The following SH3D21 variants were observed in gnomAD, a reference collection of about 807,000 sequenced individuals.
SH3D21 encodes manchette microtubule inner protein 1, also known as SH3 domain-containing protein 21.
In SH3D21, 83 loss-of-function variants were observed where a neutral mutation model predicts 82.1. The observed-to-expected ratio is 1.01, with a 90% confidence interval of 0.85 to 1.21. The LOEUF (loss-of-function observed/expected upper bound fraction) is 1.21, where lower values mean the gene tolerates loss of function less well. Ranked by LOEUF, SH3D21 falls within the 50% of genes most tolerant of loss-of-function variation. The pLI, the probability that SH3D21 is intolerant of heterozygous loss-of-function variation, is 0.00. For synonymous variants in SH3D21, 383 were observed against 387.8 expected, an observed-to-expected ratio of 0.99 and a Z score of 0.15; for missense variants, 980 against 962.1, an observed-to-expected ratio of 1.02 and a Z score of -0.25.
At chr1:36,319,033 C>A in intron 10 of SH3D21, 38 bp from the exon 11 acceptor site, 2 of 1,264,174 alleles carry the variant, frequency 1.6e-6, no homozygotes, top group East Asian at 2.5e-5. Flanking sequence ...GGGCTAGCGA[C>A]TGTCAGATGG....
chr1:36,322,901 C>A, downstream of SH3D21: 2 of 1,574,806 alleles, frequency 1.3e-6, no homozygotes, highest in Non-Finnish European at 8.7e-7. Flanking sequence ...ACGGACAAGG[C>A]GCTGGGGAGG....
intron 10 of SH3D21, among the ~76,000 whole-genome samples, chr1:36,313,810 C>T (rs1215575215): frequency 6.6e-6 from 1 of 151,808 alleles, no homozygotes; most frequent in African/African-American, 2.4e-5. Context: ...AGTGATCCTC[C>T]TGCCTTGGCC....
Position 36,306,660 on chromosome 1 carries a change from G to T in SH3D21, c.67G>T (p.Asp23Tyr), listed in dbSNP as rs556744149. Residue 23 changes from aspartate (D) to tyrosine (Y), a missense_variant, in exon 2 of 16, where the codon GAC becomes TAC. By Grantham distance (160) the Asp-to-Tyr change is radical (BLOSUM62 -3). Coordinates refer to ENST00000453908, the MANE Select transcript of SH3D21 (RefSeq NM_001162530.2). The surrounding 1 kb of genome is among the most constrained non-coding windows in gnomAD (Gnocchi z 4.5). ...KEDELSLAPG[D>Y]VVRQVRWVPA... Reference sequence around the variant, plus strand: ...GGACGAGCTGAGTCTGGCGCCCGGGGACGTGGTCCGGCAGGTGCGCTGGGT... The same window carrying T: ...GGACGAGCTGAGTCTGGCGCCCGGGTACGTGGTCCGGCAGGTGCGCTGGGT... The T allele has an allele frequency of 4.7e-5, 61 of 1,300,230 alleles. No individual in the cohort carries two copies. The South Asian group carries it at 4.9e-4, about 11-fold the overall frequency. 80.5% of individuals were successfully genotyped at this position (1,300,230 alleles called of 1,614,324 possible).
downstream of SH3D21, chr1:36,322,653 A>T (rs1646486997): frequency 1.3e-6 from 2 of 1,545,794 alleles, no homozygotes; most frequent in Non-Finnish European, 1.7e-6. Context: ...GCTGATGACG[A>T]GCAGGCAGAG....
rs1646457605 is a variant in SH3D21, at chr1:36,321,250, T to TG, written c.*128dup. Reference sequence around the variant, plus strand: ...CACGGCGCCACGCCGGTCTGGTCGCTGGGGGCGGGGCCTGCGCGGGGGCAG... The same window carrying TG: ...CACGGCGCCACGCCGGTCTGGTCGCTGGGGGGCGGGGCCTGCGCGGGGGCAG... On this transcript the variant is annotated 3_prime_UTR_variant, in exon 16 of 16. Transcript: ENST00000453908. The surrounding 1 kb of genome is among the most constrained non-coding windows in gnomAD (Gnocchi z 6.1). The TG allele has an allele frequency of 4.1e-6, 6 of 1,475,428 alleles. No individual in the cohort carries two copies. Among genetic ancestry groups the TG allele is most frequent in the Non-Finnish European group, 4.5e-6 (5 of 1,115,044 alleles). 91.4% of individuals were successfully genotyped at this position (1,475,428 alleles called of 1,614,324 possible). A position where few individuals can be genotyped will look rare whatever the true frequency, so the allele number is the denominator to read the frequency against.
chr1:36,318,765 C>T (rs535157892), intron 10 of SH3D21, among the ~76,000 whole-genome samples: 127 of 151,910 alleles, frequency 8.4e-4, no homozygotes, highest in African/African-American at 3.0e-3. Flanking sequence ...AGAAATTAGC[C>T]GGGTGTGGTG....
Position 36,306,980 on chromosome 1 carries a change from T to G in SH3D21, c.226+75T>G. The G allele has an allele frequency of 7.3e-7, 1 of 1,367,708 alleles. No homozygotes were observed. The highest frequency in any genetic ancestry group is 9.5e-7 in the Non-Finnish European group (1 of 1,052,922). 84.7% of individuals were successfully genotyped at this position (1,367,708 alleles called of 1,614,324 possible). On this transcript the variant is annotated intron_variant, in intron 3 of 15. Transcript: ENST00000453908. This position sits in a 1 kb window ranked among gnomAD's most constrained non-coding sequence, Gnocchi z 4.5. ...GTGCGACCCCGGCGTCTCCGGCTCT[T>G]AGTGACGGGCGCGGCTCTGGGCGGG...
At chr1:36,329,141 G>A (rs180907755), downstream of SH3D21, 3 of 152,320 alleles carry the variant, frequency 2.0e-5, no homozygotes, top group Admixed American at 2.0e-4. Flanking sequence ...TGGCTAATAT[G>A]CCAGCCTTTA....
Position 36,319,180 on chromosome 1 carries a change from G to C in SH3D21, c.863+16G>C. ...GCAAAGCCAAGTAAGGAGCAGGATG[G>C]GGTTGGGGGAAGGAGGAGGGTAGGA... On this transcript the variant is annotated intron_variant, in intron 11 of 15. Transcript: ENST00000453908. The C allele has an allele frequency of 6.4e-7, 1 of 1,550,702 alleles. No individual in the cohort carries two copies. Among genetic ancestry groups the C allele is most frequent in the Non-Finnish European group, 8.7e-7 (1 of 1,146,074 alleles).
chr1:36,322,102 C>T, downstream of SH3D21: 1 of 1,357,650 alleles, frequency 7.4e-7, no homozygotes, highest in Non-Finnish European at 9.5e-7. Context: ...AGTGGGGACC[C>T]TGCATGCTGC....
rs1299541764 is a variant in SH3D21, at chr1:36,306,641, G to A, written c.48G>A (p.Glu16=). Reference sequence around the variant, plus strand: ...GATACCGCGCGCAGAAGGAGGACGAGCTGAGTCTGGCGCCCGGGGACGTGG... The same window carrying A: ...GATACCGCGCGCAGAAGGAGGACGAACTGAGTCTGGCGCCCGGGGACGTGG... The part of the protein sequence containing the change: ...LAGYRAQKED[E]LSLAPGDVVR... Residue 16 remains glutamate (E), a synonymous_variant, in exon 2 of 16, where the codon GAG becomes GAA. Transcript: ENST00000453908. The surrounding 1 kb of genome is among the most constrained non-coding windows in gnomAD (Gnocchi z 4.5). The A allele has an allele frequency of 2.3e-6, 3 of 1,301,812 alleles. No homozygotes were observed. The highest frequency in any genetic ancestry group is 5.6e-5 in the East Asian group (1 of 17,980). The allele number at this position is 1,301,812 out of a possible 1,614,324, so 80.6% of individuals were successfully genotyped here. A position where few individuals can be genotyped will look rare whatever the true frequency, so the allele number is the denominator to read the frequency against.
intron 10 of SH3D21, among the ~76,000 whole-genome samples, chr1:36,313,580 T>C (rs1475210084): frequency 6.6e-6 from 1 of 152,100 alleles, no homozygotes; most frequent in Non-Finnish European, 1.5e-5. Context: ...GTATACTCTT[T>C]TATTTTGGAG....
chr1:36,322,415 C>T (rs753179253), downstream of SH3D21: 2 of 1,601,790 alleles, frequency 1.2e-6, no homozygotes, highest in Non-Finnish European at 8.5e-7. Flanking sequence ...GTTCGCGCTC[C>T]TCCAGCCGCT....
In SH3D21 at chr1:36,306,824, C is replaced by T. The variant is rs1160321966; in HGVS notation, c.163-18C>T. 2 of 1,295,274 alleles carry T rather than the reference C, an allele frequency of 1.5e-6. No homozygotes were observed. The highest frequency in any genetic ancestry group is 1.5e-5 in the African/African-American group (1 of 64,976). 80.2% of individuals were successfully genotyped at this position (1,295,274 alleles called of 1,614,324 possible). On this transcript the variant is annotated intron_variant, in intron 2 of 15. Coordinates refer to ENST00000453908, the MANE Select transcript of SH3D21 (RefSeq NM_001162530.2). The surrounding 1 kb of genome is among the most constrained non-coding windows in gnomAD (Gnocchi z 4.5). ...CCCCCGGGAGCTGAGAGCGCCTTCC[C>T]CGTGCCCTGATTCCCAGGAGATCCC... is the stretch of plus-strand genomic sequence containing the variant.
rs1264429885 is a variant in SH3D21, at chr1:36,306,788, T to C, written c.162+33T>C. The C allele has an allele frequency of 1.5e-6, 2 of 1,291,278 alleles. No individual in the cohort carries two copies. The allele number at this position is 1,291,278 out of a possible 1,614,324, so 80.0% of individuals were successfully genotyped here. A position where few individuals can be genotyped will look rare whatever the true frequency, so the allele number is the denominator to read the frequency against. ...CGAGCCAGGGGCGGGCTGTGGGGTC[T>C]CAGCGCGCGCCCCCCGGGAGCTGAG... On this transcript the variant is annotated intron_variant, in intron 2 of 15. Transcript: ENST00000453908. The surrounding 1 kb of genome is among the most constrained non-coding windows in gnomAD (Gnocchi z 4.5).
At chr1:36,321,837 G>C, downstream of SH3D21, 1 of 1,020,998 alleles carries the variant, frequency 9.8e-7, no homozygotes, top group Non-Finnish European at 1.2e-6. The surrounding 1 kb of genome is among the most constrained non-coding windows in gnomAD (Gnocchi z 6.1). Flanking sequence ...GTGAGGCTGG[G>C]TGCAGGCCTG....
At chr1:36,322,654 G>T (rs780801449), downstream of SH3D21, 1 of 1,546,768 alleles carries the variant, frequency 6.5e-7, no homozygotes, top group South Asian at 1.2e-5. Context: ...CTGATGACGA[G>T]CAGGCAGAGG....
rs1646449902 is a variant in SH3D21, at chr1:36,320,994, C to G, written c.2199+16C>G. ...GCGGCTGGAGGTGAGGCGCGGGTCC[C>G]GGCGGGAGGGGGCTGACGGCGAGTG... On this transcript the variant is annotated intron_variant, in intron 15 of 15. Coordinates refer to ENST00000453908, the MANE Select transcript of SH3D21 (RefSeq NM_001162530.2). 8.3e-6 allele frequency: 13 copies of G among 1,574,500 alleles called. No individual in the cohort carries two copies. The highest frequency in any genetic ancestry group is 1.1e-5 in the Non-Finnish European group (13 of 1,160,664).
intron 10 of SH3D21, among the ~76,000 whole-genome samples, chr1:36,318,763 G>A (rs1646386873): frequency 6.6e-6 from 1 of 151,948 alleles, no homozygotes; most frequent in African/African-American, 2.4e-5. Flanking sequence ...AAAGAAATTA[G>A]CCGGGTGTGG....
Sources: allele counts gnomAD v4.1 joint callset (sites outside exome capture counted in the v4.1 genomes callset), GRCh38; gene constraint gnomAD v4.1.1; non-coding constraint Gnocchi (gnomAD v3.1); transcripts MANE v1.5; gene names NCBI Gene and HGNC (gene_info 2026-07-23, HGNC 2026-07-21).